Variants in CD74 observed in about 807,000 individuals in gnomAD.
The protein encoded by CD74 is CD74 molecule.
CD74 carries 20 observed loss-of-function variants against 37.1 expected under a neutral mutation model. The observed-to-expected ratio is 0.54, with a 90% CI of 0.38 to 0.78. The LOEUF (loss-of-function observed/expected upper bound fraction) is 0.78. CD74 is among the 30% of genes least tolerant of loss of function. The probability of loss-of-function intolerance (pLI) is 0.00; values close to 1 mark genes in which losing one functional copy is unlikely to be tolerated. For missense variants in CD74, 338 were observed against 389.5 expected, an observed-to-expected ratio of 0.87 and a Z score of 1.11; for synonymous variants, 150 against 152.0, an observed-to-expected ratio of 0.99 and a Z score of 0.10.
chr5:150,402,011 C>T lies in CD74; in HGVS notation c.*229G>A. On this transcript the variant is annotated 3_prime_UTR_variant, in exon 9 of 9. Coordinates refer to ENST00000009530, the MANE Select transcript of CD74 (RefSeq NM_001025159.3). This position sits in a 1 kb window ranked among gnomAD's most constrained non-coding sequence, Gnocchi z 4.2. ...TCTAGCTTTTGGCCACTTCCTGGGA[C>T]CTCACGCCCCTGTTGACAGATGGAG... 6.5e-7 allele frequency: 1 copy of T among 1,529,432 alleles called. No homozygotes were observed. The highest frequency in any genetic ancestry group is 8.8e-7 in the Non-Finnish European group (1 of 1,140,404). The allele number at this position is 1,529,432 out of a possible 1,614,324, so 94.7% of individuals were successfully genotyped here. A position where few individuals can be genotyped will look rare whatever the true frequency, so the allele number is the denominator to read the frequency against.
intron 1 of CD74, among the ~76,000 whole-genome samples, chr5:150,409,709 A>C (rs1329084625): frequency 1.5e-4 from 22 of 149,870 alleles, no homozygotes; most frequent in South Asian, 4.3e-4. Flanking sequence ...CATAACAAAA[A>C]AAAAAAAAAA....
chr5:150,403,719 C>A lies in CD74; in HGVS notation c.626-407G>T, dbSNP rs190466416. On this transcript the variant is annotated intron_variant, in intron 6 of 8. Transcript: ENST00000009530. This position sits in a 1 kb window ranked among gnomAD's most constrained non-coding sequence, Gnocchi z 4.5. ...ACTAAAAATACAAAAATTAGCTGGG[C>A]GTGGTGGCACATGCCTATAATCCCA... 6.6e-6 allele frequency among the ~76,000 whole-genome samples: 1 copy of A among 152,128 alleles called. No individual in the cohort carries two copies. The highest frequency in any genetic ancestry group is 1.5e-5 in the Non-Finnish European group (1 of 68,030).
At position 150,402,021 on chromosome 5, in the gene CD74, C is replaced by T. The variant is rs1303762912; in HGVS notation, c.*219G>A. ...GGCCACTTCCTGGGACCTCACGCCC[C>T]TGTTGACAGATGGAGATTGGGCAGC... On this transcript the variant is annotated 3_prime_UTR_variant, in exon 9 of 9. Coordinates refer to ENST00000009530, the MANE Select transcript of CD74 (RefSeq NM_001025159.3). The surrounding 1 kb of genome is among the most constrained non-coding windows in gnomAD (Gnocchi z 4.2). 2 of 1,535,122 alleles carry T rather than the reference C, an allele frequency of 1.3e-6. No homozygotes were observed. Among genetic ancestry groups the T allele is most frequent in the Non-Finnish European group, 1.7e-6 (2 of 1,145,386 alleles).
At position 150,402,096 on chromosome 5, in the gene CD74, C is replaced by CA; in HGVS notation, c.*143dup. 6.5e-7 allele frequency: 1 copy of CA among 1,544,256 alleles called. No individual in the cohort carries two copies. Among genetic ancestry groups the CA allele is most frequent in the Admixed American group, 2.0e-5 (1 of 50,952 alleles). On this transcript the variant is annotated 3_prime_UTR_variant, in exon 9 of 9. Coordinates refer to ENST00000009530, the MANE Select transcript of CD74 (RefSeq NM_001025159.3). This position sits in a 1 kb window ranked among gnomAD's most constrained non-coding sequence, Gnocchi z 4.2. ...CTGTTCCGACTTGGTTTGTCTTGTC[C>CA]AAGGGTGACGAAAGAGCCAGGCACC...
intron 4 of CD74, 50 bp from the exon 5 acceptor site, chr5:150,405,230 G>A (rs1769888296): frequency 6.5e-7 from 1 of 1,542,884 alleles, no homozygotes; most frequent in Non-Finnish European, 8.7e-7. Context: ...CTCCCTGGCA[G>A]GCAGTGTGAA....
chr5:150,404,952 G>C (rs959128156), intron 5 of CD74, 133 bp downstream of exon 5: 5 of 932,934 alleles, frequency 5.4e-6, no homozygotes, highest in Non-Finnish European at 8.4e-6. Flanking sequence ...CAGCATCCAG[G>C]TTTTGGAAGT....
chr5:150,404,832 T>C, intron 5 of CD74, 65 bp from the exon 6 acceptor site: 2 of 1,179,624 alleles, frequency 1.7e-6, no homozygotes, highest in Non-Finnish European at 2.5e-6. Context: ...CTGCCTGGCT[T>C]TGCCCCTGGG....
At chr5:150,408,133 C>T (rs1277540565) in intron 1 of CD74, among the ~76,000 whole-genome samples, 1 of 151,830 alleles carries the variant, frequency 6.6e-6, no homozygotes, top group South Asian at 2.1e-4. Context: ...TATGTGCTTA[C>T]CAAGTAAGGG....
chr5:150,411,893 C>A (rs931291731), intron 1 of CD74, among the ~76,000 whole-genome samples: 1 of 152,240 alleles, frequency 6.6e-6, no homozygotes, highest in Non-Finnish European at 1.5e-5. Context: ...ACTGCTTCTA[C>A]CATCCTCTTT....
At position 150,402,398 on chromosome 5, in the gene CD74, G is replaced by T; in HGVS notation, c.881-148C>A. The stretch of plus-strand genomic sequence containing the variant: ...CCAATAATGACCATCATGGATTTGT[G>T]TAACTCCCCACAGCCCCCCAACCCT... On this transcript the variant is annotated intron_variant, in intron 8 of 8. Coordinates refer to ENST00000009530, the MANE Select transcript of CD74 (RefSeq NM_001025159.3). This position sits in a 1 kb window ranked among gnomAD's most constrained non-coding sequence, Gnocchi z 4.2. 1 of 888,714 alleles carries T rather than the reference G, an allele frequency of 1.1e-6. No individual in the cohort carries two copies. The highest frequency in any genetic ancestry group is 1.9e-6 in the Non-Finnish European group (1 of 533,682). The allele number at this position is 888,714 out of a possible 1,614,324, so 55.1% of individuals were successfully genotyped here. A position where few individuals can be genotyped will look rare whatever the true frequency, so the allele number is the denominator to read the frequency against.
In CD74 at chr5:150,407,346, G is replaced by A. The variant is rs1335653662; in HGVS notation, c.126-22C>T. 12 of 1,584,184 alleles carry A rather than the reference G, an allele frequency of 7.6e-6. No homozygotes were observed. The highest frequency in any genetic ancestry group is 1.0e-5 in the Non-Finnish European group (12 of 1,164,644). ...CTTGCTGTGGGAGGTGGGGAGGATAGGTCAGAGGAGGATCCACAGTGGTGG... is the reference window on the plus strand; with the variant it reads ...CTTGCTGTGGGAGGTGGGGAGGATAAGTCAGAGGAGGATCCACAGTGGTGG... On this transcript the variant is annotated intron_variant, in intron 1 of 8. Transcript: ENST00000009530. The surrounding 1 kb of genome is among the most constrained non-coding windows in gnomAD (Gnocchi z 4.4).
rs1769753483 is a variant in CD74 at position 150,403,309 on chromosome 5, A to G, written c.629T>C (p.Leu210Pro). The G allele has an allele frequency of 6.2e-7, 1 of 1,613,950 alleles. No homozygotes were observed. Among genetic ancestry groups the G allele is most frequent in the Non-Finnish European group, 8.5e-7 (1 of 1,179,826 alleles). ...QKPTDAPPKV[L>P]TKCQEEVSHI... Reference sequence around the variant, plus strand: ...GCTGACCTCTTCCTGGCACTTGGTCAGTACTGAAGCGACAGGCATGATGAG... The same window carrying G: ...GCTGACCTCTTCCTGGCACTTGGTCGGTACTGAAGCGACAGGCATGATGAG... Residue 210 changes from leucine (L) to proline (P), a missense_variant, in exon 7 of 9, where the codon CTG (leucine) becomes CCG (proline). By Grantham distance (98) the Leu-to-Pro change is moderately conservative. Transcript: ENST00000009530. The surrounding 1 kb of genome is among the most constrained non-coding windows in gnomAD (Gnocchi z 4.5).
intron 4 of CD74, 187 bp from the exon 5 acceptor site, chr5:150,405,367 T>C: frequency 7.7e-7 from 1 of 1,295,842 alleles, no homozygotes; most frequent in Non-Finnish European, 9.8e-7. Flanking sequence ...AGTCCAGCTG[T>C]TCAGCTACGA....
chr5:150,412,885 T>C lies in CD74; in HGVS notation c.-136A>G. The C allele has an allele frequency of 1.8e-5, 27 of 1,524,054 alleles. No homozygotes were observed. The highest frequency in any genetic ancestry group is 2.3e-5 in the Non-Finnish European group (26 of 1,138,822). 94.4% of individuals were successfully genotyped at this position (1,524,054 alleles called of 1,614,324 possible). The stretch of plus-strand genomic sequence containing the variant: ...AAAGGCTGGAAATACCCCACTTTGG[T>C]GAAGCTGCCTTTTGCGGGGCAGGAT... On this transcript the variant is annotated 5_prime_UTR_variant, in exon 1 of 9. Transcript: ENST00000009530.
At position 150,406,924 on chromosome 5, in the gene CD74, G is replaced by A. The variant is rs899013309; in HGVS notation, c.335C>T (p.Pro112Leu). The A allele has an allele frequency of 2.0e-5, 31 of 1,546,208 alleles. No homozygotes were observed. Among genetic ancestry groups the A allele is most frequent in the Non-Finnish European group, 2.4e-5 (28 of 1,152,378 alleles). ...CATGGGCAGCGCCTGCATCAGCAGC[G>A]GGGTGGCCATGCGCATCTTGCTCAC... ...KPVSKMRMAT[P>L]LLMQALPMGA... Residue 112 changes from proline to leucine, a missense_variant, in exon 3 of 9, where the codon CCG (proline) becomes CTG (leucine). By Grantham distance (98) the Pro-to-Leu change is moderately conservative. Coordinates refer to ENST00000009530, the MANE Select transcript of CD74 (RefSeq NM_001025159.3).
intron 3 of CD74, 47 bp from the exon 4 acceptor site, chr5:150,406,368 A>AG (rs1263423820): frequency 1.3e-6 from 2 of 1,498,768 alleles, no homozygotes; most frequent in Non-Finnish European, 1.9e-6. Flanking sequence ...TCCCTGGAGC[A>AG]GGGGGTATGG....
In CD74 at chr5:150,412,693, G is replaced by A. The variant is rs774357257; in HGVS notation, c.57C>T (p.Asp19=). 1.2e-6 allele frequency: 2 copies of A among 1,614,092 alleles called. No individual in the cohort carries two copies. Among genetic ancestry groups the A allele is most frequent in the South Asian group, 2.2e-5 (2 of 91,082 alleles). The change falls in exon 1 of 9, where the codon GAC becomes GAT. Residue 19 remains aspartate, a synonymous_variant. Transcript: ENST00000009530. ...CREDQKPVMD[D]QRDLISNNEQ... ...CATTGTTGGAGATAAGGTCGCGCTG[G>A]TCATCCATGACTGGCTTCTGATCTT...
chr5:150,406,287 G>C lies in CD74; in HGVS notation c.413C>G (p.Thr138Arg). 1 of 1,613,926 alleles carries C rather than the reference G, an allele frequency of 6.2e-7. No individual in the cohort carries two copies. Among genetic ancestry groups the C allele is most frequent in the Non-Finnish European group, 8.5e-7 (1 of 1,179,894 alleles). Residue 138 changes from threonine to arginine, a missense_variant, in exon 4 of 9, where the codon ACA becomes AGA. By Grantham distance (71) the Thr-to-Arg change is moderately conservative (BLOSUM62 -1). Coordinates refer to ENST00000009530, the MANE Select transcript of CD74 (RefSeq NM_001025159.3). The part of the protein sequence containing the change: ...MQNATKYGNM[T>R]EDHVMHLLQN... ...GAGCAGGTGCATCACATGGTCCTCT[G>C]TCATGTTGCCATACTTGGTGGCATT...
chr5:150,412,705 T>C lies in CD74; in HGVS notation c.45A>G (p.Pro15=). 6.2e-7 allele frequency: 1 copy of C among 1,614,142 alleles called. No individual in the cohort carries two copies. The highest frequency in any genetic ancestry group is 8.5e-7 in the Non-Finnish European group (1 of 1,180,018). Reference sequence around the variant, plus strand: ...TAAGGTCGCGCTGGTCATCCATGACTGGCTTCTGATCTTCCCGACAGCTCC... The same window carrying C: ...TAAGGTCGCGCTGGTCATCCATGACCGGCTTCTGATCTTCCCGACAGCTCC... ...RSRSCREDQK[P]VMDDQRDLIS... is the part of the protein sequence containing the mutation. Residue 15 remains proline (P), a synonymous_variant, in exon 1 of 9, where the codon CCA becomes CCG. Coordinates refer to ENST00000009530, the MANE Select transcript of CD74 (RefSeq NM_001025159.3).
Sources: gnomAD v4.1 joint callset for allele counts (sites outside exome capture counted in the v4.1 genomes callset) on GRCh38, gnomAD v4.1.1 for gene constraint, Gnocchi (gnomAD v3.1) non-coding constraint, MANE v1.5 for transcripts, NCBI Gene and HGNC (gene_info 2026-07-23, HGNC 2026-07-21) for gene names.